The following ATG2A variants were observed in gnomAD, a reference collection of about 807,000 sequenced individuals.
The protein encoded by ATG2A is autophagy-related protein 2 homolog A.
ATG2A carries 103 observed loss-of-function variants against 214.2 expected under a neutral mutation model. The ratio of observed to expected loss-of-function variants is 0.48; its 90% CI spans 0.41 to 0.57. The LOEUF (loss-of-function observed/expected upper bound fraction) is 0.57. ATG2A is among the 20% of genes least tolerant of loss of function. The pLI is 0.00. For synonymous variants in ATG2A, 1,160 were observed against 1,142.1 expected, an observed-to-expected ratio of 1.02 and a Z score of -0.32; for missense variants, 2,312 against 2,613.2, an observed-to-expected ratio of 0.88 and a Z score of 2.51.
Position 64,902,013 on chromosome 11 carries a change from G to T in ATG2A, c.4068C>A (p.Thr1356=), listed in dbSNP as rs372583180. 6.2e-7 allele frequency: 1 copy of T among 1,613,700 alleles called. No individual in the cohort carries two copies. Among genetic ancestry groups the T allele is most frequent in the African/African-American group, 1.3e-5 (1 of 74,874 alleles). The change falls in exon 29 of 41, where the codon ACC becomes ACA. Residue 1356 remains threonine (T), a synonymous_variant. Coordinates refer to ENST00000377264, the MANE Select transcript of ATG2A (RefSeq NM_015104.3). ...DEREEEGDGD[T]LDSDEFCILD... is the part of the protein sequence containing the mutation. ...GGATGCAGAACTCATCACTGTCCAG[G>T]GTGTCTCCATCGCCCTCCTCTTCCC...
rs1944217583 is a variant in ATG2A at position 64,898,031 on chromosome 11, G to A, written c.4858+55C>T. On this transcript the variant is annotated intron_variant, in intron 34 of 40. Transcript: ENST00000377264. The surrounding 1 kb of genome is among the most constrained non-coding windows in gnomAD (Gnocchi z 4.5). ...GGGCCAGGAATGACTGGGAACCTGT[G>A]CTGTCCTGGGAGGCAGAAGGCCCAG... 6.2e-7 allele frequency: 1 copy of A among 1,605,286 alleles called. No individual in the cohort carries two copies. Among genetic ancestry groups the A allele is most frequent in the African/African-American group, 1.3e-5 (1 of 74,690 alleles).
In ATG2A at chr11:64,894,983, G is replaced by A. The variant is rs376725606; in HGVS notation, c.5807C>T (p.Ala1936Val). The A allele has an allele frequency of 1.9e-6, 3 of 1,612,218 alleles. No individual in the cohort carries two copies. Among genetic ancestry groups the A allele is most frequent in the Non-Finnish European group, 2.5e-6 (3 of 1,179,068 alleles). The stretch of plus-strand genomic sequence containing the variant: ...CCGGGCACCCCAGGCTCAGTCTTGG[G>A]CACTGTCCGAGCGCCACTTGAGGGC... ...DHALKWRSDS[A>V]QD The change falls in exon 41 of 41, where the codon GCC (alanine) becomes GTC (valine). Residue 1936 changes from alanine to valine, a missense_variant. Ala to Val is a moderately conservative substitution (Grantham distance 64, BLOSUM62 0). Transcript: ENST00000377264.
chr11:64,906,066 A>G, intron 22 of ATG2A, 47 bp downstream of exon 22: 3 of 1,538,892 alleles, frequency 1.9e-6, no homozygotes, highest in Non-Finnish European at 2.6e-6. Flanking sequence ...CCCAAAACAG[A>G]AGTCCAGAGT....
At chr11:64,899,485 G>C (rs1039555164) in intron 31 of ATG2A, among the ~76,000 whole-genome samples, 6 of 152,214 alleles carry the variant, frequency 3.9e-5, no homozygotes, top group Admixed American at 2.6e-4. Flanking sequence ...CCACCAACCC[G>C]AGCAGCCTGA....
rs755405435 is a variant in ATG2A, at chr11:64,911,038, C to T, written c.1466G>A (p.Arg489Gln). ...TCAGGCCCTGGCCTCGGGCTTATAC[C>T]GAACATGGCTACAGGGACAGGCCCT... Reference protein sequence around the residue: ...FQRACPCSHVRLTGTAVQLSW... With the variant: ...FQRACPCSHVQLTGTAVQLSW... Residue 489 changes from arginine to glutamine, a missense_variant and splice_region_variant, in exon 10 of 41, where the codon CGG becomes CAG. Coordinates refer to ENST00000377264, the MANE Select transcript of ATG2A (RefSeq NM_015104.3). 3.7e-6 allele frequency: 6 copies of T among 1,613,868 alleles called. No homozygotes were observed. The highest frequency in any genetic ancestry group is 5.1e-6 in the Non-Finnish European group (6 of 1,180,046).
chr11:64,906,205 G>A lies in ATG2A; in HGVS notation c.3184-12C>T. 3 of 1,611,594 alleles carry A rather than the reference G, an allele frequency of 1.9e-6. No homozygotes were observed. The highest frequency in any genetic ancestry group is 2.5e-6 in the Non-Finnish European group (3 of 1,179,218). ...GTCACCAGGAACTCCTGAGGGTGGGGGCGCAGTCAGGGCAGTGGGGAGGCC... is the reference window on the plus strand; with the variant it reads ...GTCACCAGGAACTCCTGAGGGTGGGAGCGCAGTCAGGGCAGTGGGGAGGCC... On this transcript the variant is annotated splice_polypyrimidine_tract_variant and intron_variant, in intron 21 of 40. Coordinates refer to ENST00000377264, the MANE Select transcript of ATG2A (RefSeq NM_015104.3).
chr11:64,897,764 AG>A, intron 35 of ATG2A, 21 bp from the exon 36 acceptor site: 1 of 1,614,174 alleles, frequency 6.2e-7, no homozygotes, highest in Non-Finnish European at 8.5e-7. Flanking sequence ...GAGCAGGAAG[AG>A]GGGGTTCTTT....
chr11:64,907,674 G>A lies in ATG2A; in HGVS notation c.2508-10C>T, dbSNP rs376614955. The A allele has an allele frequency of 5.4e-4, 867 of 1,595,124 alleles. 5 individuals carry two copies. The highest frequency in any genetic ancestry group is 1.8e-4 in the Non-Finnish European group (212 of 1,169,990). Reference sequence around the variant, plus strand: ...CAGGTCGTTGTTGATCCTGAGATAGGCGGGTGGACAGCAGGTAAGGGAGGC... The same window carrying A: ...CAGGTCGTTGTTGATCCTGAGATAGACGGGTGGACAGCAGGTAAGGGAGGC... On this transcript the variant is annotated splice_polypyrimidine_tract_variant and intron_variant, in intron 17 of 40. Coordinates refer to ENST00000377264, the MANE Select transcript of ATG2A (RefSeq NM_015104.3).
intron 19 of ATG2A, 102 bp downstream of exon 19, chr11:64,907,153 C>T (rs1944582270): frequency 1.5e-6 from 2 of 1,364,548 alleles, no homozygotes; most frequent in Non-Finnish European, 1.9e-6. Context: ...CTCAGGCCTC[C>T]TGCTCTCCAC....
intron 16 of ATG2A, 82 bp downstream of exon 16, chr11:64,908,909 C>T (rs895234085): frequency 2.7e-6 from 4 of 1,498,642 alleles, no homozygotes; most frequent in African/African-American, 2.8e-5. Context: ...CCCTGGCCCA[C>T]AGCCACACAG....
rs780177739 is a variant in ATG2A at position 64,897,988 on chromosome 11, G to A, written c.4859-14C>T. 13 of 1,567,514 alleles carry A rather than the reference G, an allele frequency of 8.3e-6. No individual in the cohort carries two copies. Among genetic ancestry groups the A allele is most frequent in the Non-Finnish European group, 9.5e-6 (11 of 1,159,594 alleles). On this transcript the variant is annotated splice_polypyrimidine_tract_variant and intron_variant, in intron 34 of 40. Coordinates refer to ENST00000377264, the MANE Select transcript of ATG2A (RefSeq NM_015104.3). ...TCTCGGGGCGAGCTAGGGGAGGGGA[G>A]GTCACAGACTGGGGATGGGGCCAGG...
rs758382468 is a variant in ATG2A at position 64,910,870 on chromosome 11, G to A, written c.1551C>T (p.Phe517=). The A allele has an allele frequency of 9.3e-6, 15 of 1,609,242 alleles. No individual in the cohort carries two copies. The highest frequency in any genetic ancestry group is 3.3e-5 in the South Asian group (3 of 90,400). Residue 517 remains phenylalanine, a synonymous_variant, in exon 11 of 41, where the codon TTC becomes TTT. Coordinates refer to ENST00000377264, the MANE Select transcript of ATG2A (RefSeq NM_015104.3). ...GRRTTSMEVH[F]GQLEVLECLW... ...GACACTCCAGCACCTCCAGCTGCCC[G>A]AAGTGCACTTCCATGCTGGTTGTCC...
chr11:64,902,588 C>T lies in ATG2A; in HGVS notation c.3705G>A (p.Gln1235=). ...DSCALLVNLL[Q]YVMSTGDLHP... is the part of the protein sequence containing the mutation. The stretch of plus-strand genomic sequence containing the variant: ...GCAGATCGCCTGTGCTCATTACGTA[C>T]TGGAGCAGGTTGACCAGCAGGGCAC... The change falls in exon 27 of 41, where the codon CAG becomes CAA. Residue 1235 remains glutamine, a synonymous_variant. Coordinates refer to ENST00000377264, the MANE Select transcript of ATG2A (RefSeq NM_015104.3). 1 of 1,607,946 alleles carries T rather than the reference C, an allele frequency of 6.2e-7. No individual in the cohort carries two copies. The highest frequency in any genetic ancestry group is 8.5e-7 in the Non-Finnish European group (1 of 1,178,838).
rs746844920 is a variant in ATG2A at position 64,914,176 on chromosome 11, A to C, written c.392T>G (p.Leu131Arg). ...WASCMTTSLQLAQECLRDGLP... is the reference protein window; with the variant it reads ...WASCMTTSLQRAQECLRDGLP... ...CCCATCCCGCAGACACTCCTGGGCC[A>C]GCTGCAGGCTTGTGGTCATGCATGA... The change falls in exon 3 of 41, where the codon CTG (leucine) becomes CGG (arginine). Residue 131 changes from leucine to arginine, a missense_variant. Transcript: ENST00000377264. 1.3e-6 allele frequency: 2 copies of C among 1,553,204 alleles called. No individual in the cohort carries two copies. The highest frequency in any genetic ancestry group is 1.7e-6 in the Non-Finnish European group (2 of 1,148,218).
intron 1 of ATG2A, among the ~76,000 whole-genome samples, chr11:64,916,101 C>T (rs536156667): frequency 2.0e-5 from 3 of 152,296 alleles, no homozygotes; most frequent in South Asian, 2.1e-4. Flanking sequence ...GACCAGGACG[C>T]GCCTCTAATT....
At chr11:64,902,793 G>T in intron 26 of ATG2A, 113 bp from the exon 27 acceptor site, 1 of 963,780 alleles carries the variant, frequency 1.0e-6, no homozygotes, top group Non-Finnish European at 1.6e-6. Flanking sequence ...AGGCAGAACA[G>T]GGATGGTCTC....
Position 64,903,289 on chromosome 11 carries a change from A to G in ATG2A, c.3611T>C (p.Leu1204Pro). 2 of 1,613,744 alleles carry G rather than the reference A, an allele frequency of 1.2e-6. No individual in the cohort carries two copies. Among genetic ancestry groups the G allele is most frequent in the Non-Finnish European group, 1.7e-6 (2 of 1,179,864 alleles). ...AGCCAGAGTGACAGCCTCACTCACC[A>G]GTTTGCCCTCGGTGCTCCCTTTCCA... ...KTWKGSTEGK[L>P]SQPLFELRCS... The change falls in exon 26 of 41, where the codon CTG (leucine) becomes CCG (proline). Residue 1204 changes from leucine (L) to proline (P), a missense_variant and splice_region_variant. By Grantham distance (98) the Leu-to-Pro change is moderately conservative. Transcript: ENST00000377264. The surrounding 1 kb of genome is among the most constrained non-coding windows in gnomAD (Gnocchi z 4.2).
Position 64,902,004 on chromosome 11 carries a change from A to G in ATG2A, c.4077T>C (p.Ser1359=), listed in dbSNP as rs1479269133. ...EEEGDGDTLD[S]DEFCILDAPG... is the part of the protein sequence containing the mutation. Reference sequence around the variant, plus strand: ...GAGCATCAAGGATGCAGAACTCATCACTGTCCAGGGTGTCTCCATCGCCCT... The same window carrying G: ...GAGCATCAAGGATGCAGAACTCATCGCTGTCCAGGGTGTCTCCATCGCCCT... Residue 1359 remains serine, a synonymous_variant, in exon 29 of 41, where the codon AGT becomes AGC. Coordinates refer to ENST00000377264, the MANE Select transcript of ATG2A (RefSeq NM_015104.3). 1.2e-6 allele frequency: 2 copies of G among 1,613,708 alleles called. No homozygotes were observed. The highest frequency in any genetic ancestry group is 1.7e-6 in the Non-Finnish European group (2 of 1,179,980).
At chr11:64,900,803 T>G in intron 30 of ATG2A, 81 bp downstream of exon 30, 4 of 1,475,788 alleles carry the variant, frequency 2.7e-6, no homozygotes, top group Non-Finnish European at 3.6e-6. Context: ...GGGCTCAAGG[T>G]CTCCAGCTGC....
Sources: allele counts gnomAD v4.1 joint callset (sites outside exome capture counted in the v4.1 genomes callset), GRCh38; gene constraint gnomAD v4.1.1; non-coding constraint Gnocchi (gnomAD v3.1); transcripts MANE v1.5; gene names NCBI Gene and HGNC (gene_info 2026-07-23, HGNC 2026-07-21).